Variants in CTPS1 observed in about 807,000 individuals in gnomAD.
The protein encoded by CTPS1 is CTP synthetase 1.
CTPS1 carries 25 observed loss-of-function variants against 80.5 expected under a neutral mutation model. The ratio of observed to expected loss-of-function variants is 0.31; its 90% CI spans 0.23 to 0.43. The LOEUF is 0.43. Among genes scored for constraint, CTPS1 ranks in the 20% least tolerant of loss-of-function variants. The probability of loss-of-function intolerance (pLI) is 1.00; values close to 1 mark genes in which losing one functional copy is unlikely to be tolerated. For synonymous variants in CTPS1, 267 were observed against 252.5 expected, an observed-to-expected ratio of 1.06 and a Z score of -0.54; for missense variants, 442 against 725.7, an observed-to-expected ratio of 0.61 and a Z score of 4.49.
chr1:40,998,591 A>G (rs773131758), intron 9 of CTPS1, among the ~76,000 whole-genome samples: 7 of 152,124 alleles, frequency 4.6e-5, no homozygotes, highest in Non-Finnish European at 1.0e-4. Context: ...GTTCATGAAT[A>G]CAAAGTGCTG....
chr1:40,995,547 C>G (rs1481598447), intron 7 of CTPS1, among the ~76,000 whole-genome samples: 1 of 152,128 alleles, frequency 6.6e-6, no homozygotes, highest in Non-Finnish European at 1.5e-5. Flanking sequence ...CATGCACATG[C>G]CCACCATGCC....
chr1:40,982,042 A>T (rs1472964628), intron 1 of CTPS1: 1 of 1,284,582 alleles, frequency 7.8e-7, no homozygotes. Context: ...TTTTGGTCAC[A>T]TTTGGGTTTG....
Position 41,006,065 on chromosome 1 carries a change from G to C in CTPS1, c.1267G>C (p.Glu423Gln). 1 of 1,613,660 alleles carries C rather than the reference G, an allele frequency of 6.2e-7. No homozygotes were observed. The highest frequency in any genetic ancestry group is 8.5e-7 in the Non-Finnish European group (1 of 1,179,560). ...VLGWQDANST[E>Q]FDPTTSHPVV... ...TGGTATTTCAGATGCCAATTCTACA[G>C]AGTTTGACCCTACGACCAGTCATCC... Residue 423 changes from glutamate (E) to glutamine (Q), a missense_variant, in exon 13 of 19, where the codon GAG becomes CAG. By Grantham distance (29) the Glu-to-Gln change is conservative (BLOSUM62 2). Coordinates refer to ENST00000650070, the MANE Select transcript of CTPS1 (RefSeq NM_001905.4).
At chr1:41,005,122 C>T (rs1643000258) in intron 12 of CTPS1, among the ~76,000 whole-genome samples, 1 of 151,936 alleles carries the variant, frequency 6.6e-6, no homozygotes. Context: ...TAGTGAGACT[C>T]TTGTCTTAAA....
In CTPS1 at chr1:40,996,038, T is replaced by C. The variant is rs754169230; in HGVS notation, c.842T>C (p.Met281Thr). Residue 281 changes from methionine to threonine, a missense_variant, in exon 8 of 19, where the codon ATG becomes ACG. Physicochemically the swap from Met to Thr is moderately conservative, Grantham distance 81. Transcript: ENST00000650070. Reference protein sequence around the residue: ...DLPIERQPRKMLMKWKEMADR... With the variant: ...DLPIERQPRKTLMKWKEMADR... ...CCTATTGAGAGGCAGCCAAGAAAAATGCTGATGAAATGGAAAGAGATGGCT... is the reference window on the plus strand; with the variant it reads ...CCTATTGAGAGGCAGCCAAGAAAAACGCTGATGAAATGGAAAGAGATGGCT... 6.2e-7 allele frequency: 1 copy of C among 1,614,132 alleles called. No individual in the cohort carries two copies. The highest frequency in any genetic ancestry group is 8.5e-7 in the Non-Finnish European group (1 of 1,180,008).
intron 14 of CTPS1, among the ~76,000 whole-genome samples, chr1:41,008,125 T>C (rs1643080655): frequency 6.6e-6 from 1 of 152,188 alleles, no homozygotes; most frequent in African/African-American, 2.4e-5. Context: ...ATCTTTCTCT[T>C]ACCAACTCTG....
At chr1:40,997,266 T>G in intron 8 of CTPS1, 128 bp from the exon 9 acceptor site, 1 of 1,130,088 alleles carries the variant, frequency 8.8e-7, no homozygotes, top group Non-Finnish European at 1.3e-6. Context: ...AGTGCTGGGA[T>G]TATAGGATTA....
intron 7 of CTPS1, among the ~76,000 whole-genome samples, chr1:40,992,188 A>T (rs917389903): frequency 2.0e-5 from 3 of 151,980 alleles, no homozygotes; most frequent in African/African-American, 7.3e-5. Flanking sequence ...GCAGTCTCCT[A>T]CTCACTCTCA....
chr1:40,996,191 G>A, intron 8 of CTPS1, 123 bp downstream of exon 8: 2 of 1,027,884 alleles, frequency 1.9e-6, no homozygotes, highest in African/African-American at 1.6e-5. Context: ...CATTAGAAGA[G>A]CCTTTGTAGT....
At chr1:41,006,180 G>A (rs549450863) in intron 13 of CTPS1, 86 bp downstream of exon 13, 1 of 1,154,648 alleles carries the variant, frequency 8.7e-7, no homozygotes, top group African/African-American at 1.5e-5. Context: ...GAGACAAGAA[G>A]TGAGACTGCT....
At chr1:41,001,220 A>G in intron 10 of CTPS1, 103 bp downstream of exon 10, 1 of 760,032 alleles carries the variant, frequency 1.3e-6, no homozygotes, top group East Asian at 3.3e-5. Flanking sequence ...TTGACTTGTT[A>G]AAATATTTTT....
intron 7 of CTPS1, among the ~76,000 whole-genome samples, chr1:40,993,052 T>C (rs1642656125): frequency 6.6e-6 from 1 of 151,468 alleles, no homozygotes; most frequent in South Asian, 2.1e-4. Context: ...AGTTTCAGAT[T>C]TTTTGCTTTT....
rs144358815 is a variant in CTPS1 at position 41,008,668 on chromosome 1, A to G, written c.1403A>G (p.Tyr468Cys). The G allele has an allele frequency of 1.1e-5, 17 of 1,614,046 alleles. No homozygotes were observed. The highest frequency in any genetic ancestry group is 1.4e-5 in the Non-Finnish European group (16 of 1,180,018). ...QTKNSVMRKL[Y>C]GDADYLEERH... ...CCGTTTGTTTTGCCAGGGAAACTCTATGGAGACGCAGACTACTTGGAAGAG... is the reference window on the plus strand; with the variant it reads ...CCGTTTGTTTTGCCAGGGAAACTCTGTGGAGACGCAGACTACTTGGAAGAG... Residue 468 changes from tyrosine to cysteine, a missense_variant, in exon 15 of 19, where the codon TAT (tyrosine) becomes TGT (cysteine). Physicochemically the swap from Tyr to Cys is radical, Grantham distance 194 (BLOSUM62 -2). This residue lies in a region of CTPS1 where 321 missense variants were observed against 467.2 expected (regional missense o/e 0.69). Transcript: ENST00000650070.
intron 9 of CTPS1, among the ~76,000 whole-genome samples, chr1:40,999,970 C>G (rs557325291): frequency 6.6e-6 from 1 of 151,940 alleles, no homozygotes; most frequent in African/African-American, 2.4e-5. Flanking sequence ...GTCAACATAG[C>G]GAGACCCCCG....
Position 40,991,188 on chromosome 1 carries a change from G to A in CTPS1, c.579G>A (p.Lys193=). The A allele has an allele frequency of 5.0e-6, 8 of 1,589,176 alleles. No homozygotes were observed. The highest frequency in any genetic ancestry group is 6.8e-6 in the Non-Finnish European group (8 of 1,173,346). ...AGCCAAGTTCAACAGGGGAACAGAA[G>A]ACTAAACCTACCCAGAATAGTGTTC... ...VPQPSSTGEQ[K]TKPTQNSVRE... Residue 193 remains lysine (K), a synonymous_variant, in exon 6 of 19, where the codon AAG becomes AAA. Transcript: ENST00000650070.
intron 3 of CTPS1, among the ~76,000 whole-genome samples, chr1:40,985,289 A>T (rs1642423985): frequency 6.6e-6 from 1 of 152,252 alleles, no homozygotes; most frequent in Admixed American, 6.5e-5. Flanking sequence ...CACAGTAATG[A>T]GTGTGAAAGT....
chr1:40,984,050 ACT>A (rs1329989585), intron 2 of CTPS1, among the ~76,000 whole-genome samples: 2 of 152,136 alleles, frequency 1.3e-5, no homozygotes, highest in Admixed American at 1.3e-4. Context: ...TCGTACTCCT[ACT>A]CTCTAGCGTT....
intron 3 of CTPS1, among the ~76,000 whole-genome samples, chr1:40,986,821 G>T (rs894371040): frequency 6.6e-6 from 1 of 152,144 alleles, no homozygotes; most frequent in African/African-American, 2.4e-5. Flanking sequence ...AGCTTAAAAT[G>T]GTTCTATAAT....
chr1:40,994,196 C>T (rs1430504275), intron 7 of CTPS1, among the ~76,000 whole-genome samples: 1 of 152,122 alleles, frequency 6.6e-6, no homozygotes, highest in Non-Finnish European at 1.5e-5. Context: ...ACTCCTTGCT[C>T]TTAACCAAGG....
Sources: gnomAD v4.1 joint callset for allele counts (sites outside exome capture counted in the v4.1 genomes callset) on GRCh38, gnomAD v4.1.1 for gene constraint, gnomAD v4.1.1 regional missense constraint, MANE v1.5 for transcripts, NCBI Gene and HGNC (gene_info 2026-07-23, HGNC 2026-07-21) for gene names.